The following RAB7A variants were observed in gnomAD, a reference collection of about 807,000 sequenced individuals.
RAB7A encodes the protein RAB7A, member RAS oncogene family, also known as ras-related protein Rab-7a.
A neutral mutation model predicts 24.5 loss-of-function variants in RAB7A; 2 were observed. The observed-to-expected ratio is 0.08, with a 90% CI of 0.03 to 0.26. The LOEUF is 0.26. Among genes scored for constraint, RAB7A ranks in the 10% least tolerant of loss-of-function variants. The pLI is 1.00. For missense variants in RAB7A, 118 were observed against 255.7 expected (o/e 0.46, Z 3.67); for synonymous variants, 100 against 95.9 (o/e 1.04, Z -0.25).
At chr3:128,795,172 C>G (rs1261149951) in intron 1 of RAB7A, 188 bp from the exon 2 acceptor site, 8 of 648,014 alleles carry the variant, frequency 1.2e-5, no homozygotes, top group African/African-American at 1.8e-5. Flanking sequence ...TGTTCTGCCT[C>G]GCTCTTGGGT....
intron 1 of RAB7A, among the ~76,000 whole-genome samples, chr3:128,746,854 A>G (rs1346838100): frequency 6.6e-6 from 1 of 151,648 alleles, no homozygotes; most frequent in Non-Finnish European, 1.5e-5. Flanking sequence ...AAGATTCAAC[A>G]CATTGGTGAT....
intron 1 of RAB7A, among the ~76,000 whole-genome samples, chr3:128,748,266 G>T (rs1044873302): frequency 1.3e-5 from 2 of 152,186 alleles, no homozygotes; most frequent in African/African-American, 4.8e-5. Context: ...AGTGGAGGGG[G>T]TTATGTTAAT....
chr3:128,760,264 C>A (rs1045711041), intron 1 of RAB7A, among the ~76,000 whole-genome samples: 8 of 152,154 alleles, frequency 5.3e-5, no homozygotes, highest in African/African-American at 1.9e-4. Flanking sequence ...CTCTGGACTC[C>A]AGGCTGCAAC....
At chr3:128,731,558 A>G (rs2070436902) in intron 1 of RAB7A, among the ~76,000 whole-genome samples, 1 of 152,186 alleles carries the variant, frequency 6.6e-6, no homozygotes, top group African/African-American at 2.4e-5. Context: ...TGTTGTGTGT[A>G]TCTGCCTGAA....
chr3:128,770,484 G>C (rs905168891), intron 1 of RAB7A, among the ~76,000 whole-genome samples: 1 of 152,176 alleles, frequency 6.6e-6, no homozygotes, highest in Non-Finnish European at 1.5e-5. Context: ...CTTTTGAAAT[G>C]GGACTGGATT....
At chr3:128,766,984 C>T (rs1217855927) in intron 1 of RAB7A, among the ~76,000 whole-genome samples, 1 of 151,164 alleles carries the variant, frequency 6.6e-6, no homozygotes. Flanking sequence ...TTTTTTAATT[C>T]TAGTGGTCCT....
chr3:128,733,655 T>C (rs1029807791), intron 1 of RAB7A, among the ~76,000 whole-genome samples: 6 of 152,196 alleles, frequency 3.9e-5, no homozygotes, highest in African/African-American at 1.2e-4. Context: ...TCCTCTGTAT[T>C]GGCTGTGTCC....
chr3:128,774,078 TA>T (rs146037243), intron 1 of RAB7A, among the ~76,000 whole-genome samples: 57,394 of 110,944 alleles, frequency 0.52, 14,213 homozygotes, highest in Non-Finnish European at 0.63. Flanking sequence ...AATGATCAAT[TA>T]AAAAAAAAAA....
intron 1 of RAB7A, among the ~76,000 whole-genome samples, chr3:128,742,365 C>G (rs1472275971): frequency 6.6e-6 from 1 of 152,136 alleles, no homozygotes. Flanking sequence ...AACAAAGCTT[C>G]CACAGTGTGG....
At chr3:128,750,120 G>A (rs969818495) in intron 1 of RAB7A, among the ~76,000 whole-genome samples, 1 of 152,208 alleles carries the variant, frequency 6.6e-6, no homozygotes, top group African/African-American at 2.4e-5. Flanking sequence ...CTCAGATGGA[G>A]ATGAAGAACT....
intron 1 of RAB7A, among the ~76,000 whole-genome samples, chr3:128,790,724 A>G (rs1210774795): frequency 1.3e-5 from 2 of 152,198 alleles, no homozygotes; most frequent in Non-Finnish European, 2.9e-5. Context: ...GTTTAGTCCT[A>G]TTCCAGCACC....
At chr3:128,744,876 CTTTT>C (rs1242538121) in intron 1 of RAB7A, among the ~76,000 whole-genome samples, 3 of 139,380 alleles carry the variant, frequency 2.2e-5, no homozygotes, top group Non-Finnish European at 3.1e-5. Context: ...TTTTCTTTTT[CTTTT>C]TTTTTTTTTT....
At chr3:128,751,479 A>C (rs1307228212) in intron 1 of RAB7A, among the ~76,000 whole-genome samples, 1 of 152,166 alleles carries the variant, frequency 6.6e-6, no homozygotes, top group Non-Finnish European at 1.5e-5. Flanking sequence ...GCCCTGCTGG[A>C]TTTTGGACTT....
intron 1 of RAB7A, among the ~76,000 whole-genome samples, chr3:128,748,221 C>A (rs1212162512): frequency 1.3e-5 from 2 of 152,168 alleles, no homozygotes; most frequent in African/African-American, 2.4e-5. Flanking sequence ...ACAGGTGACT[C>A]CTTCTGGGTT....
chr3:128,800,227 A>G (rs1455315393), intron 3 of RAB7A, among the ~76,000 whole-genome samples: 1 of 152,254 alleles, frequency 6.6e-6, no homozygotes, highest in Admixed American at 6.5e-5. Flanking sequence ...ACAGACTGAC[A>G]AATTCTCAAC....
At chr3:128,762,725 T>A (rs920493648) in intron 1 of RAB7A, among the ~76,000 whole-genome samples, 5 of 152,184 alleles carry the variant, frequency 3.3e-5, no homozygotes, top group Non-Finnish European at 5.9e-5. Context: ...AGAATCTGTT[T>A]AGCTAGATTA....
chr3:128,777,641 G>T (rs182465080), intron 1 of RAB7A, among the ~76,000 whole-genome samples: 1 of 152,334 alleles, frequency 6.6e-6, no homozygotes, highest in African/African-American at 2.4e-5. Context: ...GTGTTACACA[G>T]AATTGTAAAA....
chr3:128,759,422 G>A (rs941173384), intron 1 of RAB7A, among the ~76,000 whole-genome samples: 2 of 152,212 alleles, frequency 1.3e-5, no homozygotes, highest in Admixed American at 6.5e-5. Flanking sequence ...TTGTCTGAGG[G>A]AGGCTGTGCA....
intron 1 of RAB7A, among the ~76,000 whole-genome samples, chr3:128,766,755 G>A (rs1311968526): frequency 2.0e-5 from 3 of 151,998 alleles, no homozygotes. Flanking sequence ...AACCAGGCTG[G>A]TTTTGAACTC....
Sources: allele counts gnomAD v4.1 joint callset (sites outside exome capture counted in the v4.1 genomes callset), GRCh38; gene constraint gnomAD v4.1.1; transcripts MANE v1.5; gene names NCBI Gene and HGNC (gene_info 2026-07-23, HGNC 2026-07-21).